CCDC150: variants seen among roughly 807,000 people sequenced by gnomAD.
CCDC150 encodes coiled-coil domain-containing protein 150.
In CCDC150, 151 loss-of-function variants were observed where a neutral mutation model predicts 156.5. That is an observed-to-expected ratio of 0.97 (90% confidence interval 0.85 to 1.10). The LOEUF (loss-of-function observed/expected upper bound fraction) is 1.10. CCDC150 is among the 50% of genes least tolerant of loss of function. The pLI, the probability that CCDC150 is intolerant of heterozygous loss-of-function variation, is 0.00. For synonymous variants in CCDC150, 452 were observed against 429.4 expected (o/e 1.05, Z -0.65); for missense variants, 1,312 against 1,268.1 (o/e 1.03, Z -0.53).
intron 13 of CCDC150, among the ~76,000 whole-genome samples, chr2:196,689,993 A>T (rs1695354388): frequency 6.6e-6 from 1 of 152,202 alleles, no homozygotes; most frequent in Non-Finnish European, 1.5e-5. Context: ...TTCTGCCTCT[A>T]TTGAAATAAT....
intron 16 of CCDC150, 155 bp downstream of exon 16, chr2:196,712,407 A>T: frequency 3.5e-6 from 2 of 572,758 alleles, no homozygotes. Context: ...CACCTAGTAC[A>T]TACAAGGTTC....
intron 13 of CCDC150, among the ~76,000 whole-genome samples, chr2:196,693,275 C>T (rs1695602646): frequency 6.6e-6 from 1 of 152,166 alleles, no homozygotes; most frequent in African/African-American, 2.4e-5. Context: ...CATTGTTATG[C>T]AACACATGTC....
chr2:196,699,076 C>T (rs528954100), intron 14 of CCDC150, among the ~76,000 whole-genome samples: 6 of 152,188 alleles, frequency 3.9e-5, no homozygotes, highest in South Asian at 2.1e-4. Context: ...CTGTGTTTTC[C>T]GCAAAAATTA....
At chr2:196,694,917 A>G (rs1256266618) in intron 13 of CCDC150, 129 bp from the exon 14 acceptor site, 1 of 512,506 alleles carries the variant, frequency 2.0e-6, no homozygotes, top group Non-Finnish European at 3.5e-6. Flanking sequence ...TCATATTTCC[A>G]CATTTAGAGG....
At chr2:196,669,731 A>T in intron 7 of CCDC150, 102 bp from the exon 8 acceptor site, 2 of 805,364 alleles carry the variant, frequency 2.5e-6, no homozygotes, top group South Asian at 1.6e-5. Flanking sequence ...GGTTCTCCTT[A>T]TCTCTACAAA....
At chr2:196,721,381 C>CATATATACATATA (rs1356357361) in intron 20 of CCDC150, 141 bp from the exon 21 acceptor site, 1 of 222,366 alleles carries the variant, frequency 4.5e-6, no homozygotes, top group African/African-American at 6.3e-5. Flanking sequence ...TTCCAGGCAG[C>CATATATACATATA]TGGAATCTTT....
intron 9 of CCDC150, among the ~76,000 whole-genome samples, chr2:196,673,923 T>C (rs545737945): frequency 6.6e-6 from 1 of 152,272 alleles, no homozygotes; most frequent in South Asian, 2.1e-4. Flanking sequence ...GGTACTGACA[T>C]TGTAAATTCC....
At chr2:196,674,214 A>C in intron 9 of CCDC150, 27 bp from the exon 10 acceptor site, 2 of 1,330,172 alleles carry the variant, frequency 1.5e-6, no homozygotes, top group Non-Finnish European at 2.1e-6. Flanking sequence ...TGGAGAGACC[A>C]ATGACTTGCT....
At chr2:196,700,988 T>G in intron 14 of CCDC150, 121 bp from the exon 15 acceptor site, 1 of 662,462 alleles carries the variant, frequency 1.5e-6, no homozygotes. Context: ...CAGTAGCAAA[T>G]AAATAGGAAT....
intron 17 of CCDC150, among the ~76,000 whole-genome samples, chr2:196,716,751 C>T (rs1697528652): frequency 6.7e-6 from 1 of 149,918 alleles, no homozygotes; most frequent in African/African-American, 2.5e-5. Flanking sequence ...GTATGTGTAG[C>T]TTATTGTATA....
chr2:196,693,989 T>A (rs1366686310), intron 13 of CCDC150, among the ~76,000 whole-genome samples: 1 of 152,176 alleles, frequency 6.6e-6, no homozygotes, highest in East Asian at 1.9e-4. Flanking sequence ...TAAGCTTCAC[T>A]TATTCCTAAT....
chr2:196,719,313 T>G (rs188321057), intron 18 of CCDC150, 184 bp from the exon 19 acceptor site: 1 of 445,444 alleles, frequency 2.2e-6, no homozygotes, highest in African/African-American at 2.0e-5. Flanking sequence ...GATCAGCTTT[T>G]CTTTTTCTCA....
chr2:196,652,779 G>T (rs1692961797), intron 2 of CCDC150, among the ~76,000 whole-genome samples: 1 of 152,232 alleles, frequency 6.6e-6, no homozygotes, highest in African/African-American at 2.4e-5. Flanking sequence ...TTTGCAGAGA[G>T]CTTCTGCATG....
At chr2:196,729,583 G>A in intron 23 of CCDC150, 196 bp downstream of exon 23, 2 of 662,710 alleles carry the variant, frequency 3.0e-6, no homozygotes, top group South Asian at 3.9e-5. Context: ...TGCTGCCAGT[G>A]TCACATTCCG....
rs781244582 is a variant in CCDC150, at chr2:196,646,533, G to A, written c.176+29G>A. ...ACAAAAATGAACTACATCTCTGTAG[G>A]TTGAAGAATTTTGCTTCACTGCTTA... On this transcript the variant is annotated intron_variant, in intron 2 of 27. Coordinates refer to ENST00000389175, the MANE Select transcript of CCDC150 (RefSeq NM_001080539.2). The A allele has an allele frequency of 3.1e-6, 5 of 1,594,340 alleles. No individual in the cohort carries two copies. The Admixed American group carries it at 6.7e-5, about 21-fold the overall frequency.
intron 15 of CCDC150, among the ~76,000 whole-genome samples, chr2:196,711,867 T>C (rs904659644): frequency 6.6e-6 from 1 of 152,122 alleles, no homozygotes. Context: ...CTCACTGTTA[T>C]ATTCATGAGT....
chr2:196,695,976 G>A (rs1695801544), intron 14 of CCDC150, among the ~76,000 whole-genome samples: 1 of 152,192 alleles, frequency 6.6e-6, no homozygotes, highest in Non-Finnish European at 1.5e-5. Flanking sequence ...AGACCCCGAT[G>A]TGACTCTGTT....
intron 27 of CCDC150, 36 bp from the exon 28 acceptor site, chr2:196,732,410 G>T: frequency 6.8e-7 from 1 of 1,475,182 alleles, no homozygotes; most frequent in South Asian, 1.1e-5. Flanking sequence ...AGTTAGCTCT[G>T]AACAGTCAGT....
At chr2:196,726,864 G>A (rs1228800637) in intron 22 of CCDC150, 1 of 152,282 alleles carries the variant, frequency 6.6e-6, no homozygotes, top group African/African-American at 2.4e-5. Context: ...TAGAAATGTT[G>A]GATGTGTGCT....
Sources: allele counts gnomAD v4.1 joint callset (sites outside exome capture counted in the v4.1 genomes callset), GRCh38; gene constraint gnomAD v4.1.1; transcripts MANE v1.5; gene names NCBI Gene and HGNC (gene_info 2026-07-23, HGNC 2026-07-21).